Variants in MMRN2 observed in about 807,000 individuals in gnomAD.
MMRN2 encodes multimerin 2.
MMRN2 carries 53 observed loss-of-function variants against 68.8 expected under a neutral mutation model. The observed-to-expected ratio is 0.77, with a 90% CI of 0.62 to 0.97. The LOEUF (loss-of-function observed/expected upper bound fraction) is 0.97, where lower values mean the gene tolerates loss of function less well. MMRN2 is among the 50% of genes least tolerant of loss of function. MMRN2 has a pLI of 0.00. For missense variants in MMRN2, 1,266 were observed against 1,259.5 expected, an observed-to-expected ratio of 1.01 and a Z score of -0.08; for synonymous variants, 564 against 551.6, an observed-to-expected ratio of 1.02 and a Z score of -0.32.
Position 86,945,521 on chromosome 10 carries a change from G to A in MMRN2, c.293+40C>T, listed in dbSNP as rs373851461. 10 of 1,562,404 alleles carry A rather than the reference G, an allele frequency of 6.4e-6. No homozygotes were observed. In the African/African-American group the frequency reaches 8.1e-5, roughly 13 times the overall value. Reference sequence around the variant, plus strand: ...GGCTCAGTGATTCCAGGGAGGGCCCGCTCCAGGCCTGGGCAAATGGCCCAC... The same window carrying A: ...GGCTCAGTGATTCCAGGGAGGGCCCACTCCAGGCCTGGGCAAATGGCCCAC... On this transcript the variant is annotated intron_variant, in intron 2 of 6. Coordinates refer to ENST00000372027, the MANE Select transcript of MMRN2 (RefSeq NM_024756.3).
rs749667808 is a variant in MMRN2, at chr10:86,942,484, C to G, written c.2300G>C (p.Ser767Thr). 1 of 1,614,010 alleles carries G rather than the reference C, an allele frequency of 6.2e-7. No homozygotes were observed. Among genetic ancestry groups the G allele is most frequent in the Non-Finnish European group, 8.5e-7 (1 of 1,180,036 alleles). Residue 767 changes from serine to threonine, a missense_variant, in exon 6 of 7, where the codon AGC (serine) becomes ACC (threonine). Ser to Thr is a moderately conservative substitution (Grantham distance 58, BLOSUM62 1). Transcript: ENST00000372027. ...NFQGLMEANV[S>T]LDLGKLQTML... ...GGTCTGCAGCTTCCCCAGGTCCAGG[C>G]TGACGTTGGCTTCCATGAGCCCTTG...
In MMRN2 at chr10:86,936,876, C is replaced by A. The variant is rs760433536; in HGVS notation, c.2717G>T (p.Ser906Ile). The A allele has an allele frequency of 2.5e-6, 4 of 1,614,222 alleles. No individual in the cohort carries two copies. The highest frequency in any genetic ancestry group is 3.4e-6 in the Non-Finnish European group (4 of 1,180,042). The change falls in exon 7 of 7, where the codon AGC becomes ATC. Residue 906 changes from serine (S) to isoleucine (I), a missense_variant. By Grantham distance (142) the Ser-to-Ile change is moderately radical (BLOSUM62 -2). Transcript: ENST00000372027. Reference sequence around the variant, plus strand: ...AGCCATGGCAAAGACCGTTGCTGTGCTTCCACTCCCCTGCCCAGTGGTACA... The same window carrying A: ...AGCCATGGCAAAGACCGTTGCTGTGATTCCACTCCCCTGCCCAGTGGTACA... ...PVCTTGQGSG[S>I]TATVFAMAEL...
At position 86,944,401 on chromosome 10, in the gene MMRN2, C is replaced by T; in HGVS notation, c.516G>A (p.Val172=). The T allele has an allele frequency of 6.2e-7, 1 of 1,613,886 alleles. No homozygotes were observed. The highest frequency in any genetic ancestry group is 1.3e-5 in the African/African-American group (1 of 75,026). ...GCAGATGTTCCTGCTGTTCCTGTTGCACCTCAACCTCATTGATCACTGCAG... is the reference window on the plus strand; with the variant it reads ...GCAGATGTTCCTGCTGTTCCTGTTGTACCTCAACCTCATTGATCACTGCAG... ...HLAAVINEVE[V]QQEQQEHLLG... The change falls in exon 5 of 7, where the codon GTG becomes GTA. Residue 172 remains valine (V), a synonymous_variant. Transcript: ENST00000372027.
rs774951001 is a variant in MMRN2 at position 86,943,952 on chromosome 10, C to T, written c.832G>A (p.Asp278Asn). ...AAGTCAGCCCTGGCCACGGCACTGT[C>T]CTGGACTCTGGAGATGGCCTGGCGG... Reference protein sequence around the residue: ...ANRQAISRVQDSAVARADFQE... With the variant: ...ANRQAISRVQNSAVARADFQE... Residue 278 changes from aspartate to asparagine, a missense_variant, in exon 6 of 7, where the codon GAC (aspartate) becomes AAC (asparagine). Transcript: ENST00000372027. This position sits in a 1 kb window ranked among gnomAD's most constrained non-coding sequence, Gnocchi z 4.2. 1.2e-6 allele frequency: 2 copies of T among 1,614,178 alleles called. No individual in the cohort carries two copies. Among genetic ancestry groups the T allele is most frequent in the Non-Finnish European group, 1.7e-6 (2 of 1,180,028 alleles).
At chr10:86,951,453 A>T (rs1844142358) in intron 1 of MMRN2, among the ~76,000 whole-genome samples, 1 of 152,218 alleles carries the variant, frequency 6.6e-6, no homozygotes, top group East Asian at 1.9e-4. Context: ...CTTGTGTGTG[A>T]CTGCACAGGT....
Position 86,936,603 on chromosome 10 carries a change from C to G in MMRN2, c.*140G>C. ...GCCCCATGTGGTTACAGGGAAGCCA[C>G]GTACACCACACCATCTTTGCAGAAG... On this transcript the variant is annotated 3_prime_UTR_variant, in exon 7 of 7. Coordinates refer to ENST00000372027, the MANE Select transcript of MMRN2 (RefSeq NM_024756.3). The G allele has an allele frequency of 9.4e-7, 1 of 1,058,822 alleles. No homozygotes were observed. Among genetic ancestry groups the G allele is most frequent in the Non-Finnish European group, 1.4e-6 (1 of 724,060 alleles). 65.6% of individuals were successfully genotyped at this position (1,058,822 alleles called of 1,614,324 possible).
rs1844006558 is a variant in MMRN2 at position 86,943,305 on chromosome 10, A to G, written c.1479T>C (p.Asn493=). Residue 493 remains asparagine (N), a synonymous_variant, in exon 6 of 7, where the codon AAT becomes AAC. Transcript: ENST00000372027. The surrounding 1 kb of genome is among the most constrained non-coding windows in gnomAD (Gnocchi z 4.2). ...CCAGGTCTAAATAGAGCTTCTGGCA[A>G]TTGCAGTCCTTCACGTACTTGATGA... ...ADLIKYVKDC[N]CQKLYLDLDV... The G allele has an allele frequency of 1.2e-6, 2 of 1,613,612 alleles. No individual in the cohort carries two copies. Among genetic ancestry groups the G allele is most frequent in the South Asian group, 1.1e-5 (1 of 91,084 alleles).
intron 2 of MMRN2, 22 bp downstream of exon 2, chr10:86,945,539 T>C (rs1211018358): frequency 1.3e-6 from 2 of 1,573,038 alleles, no homozygotes; most frequent in Admixed American, 1.9e-5. Context: ...CCTGGGCAAA[T>C]GGCCCACCCT....
Position 86,942,762 on chromosome 10 carries a change from C to A in MMRN2, c.2022G>T (p.Pro674=). Residue 674 remains proline (P), a synonymous_variant, in exon 6 of 7, where the codon CCG becomes CCT. Transcript: ENST00000372027. Reference sequence around the variant, plus strand: ...CGTGGCTGGGCTCCAGGTGCTCTGCCGGCCGCGGGGGCTCCGAGGCCTGCT... The same window carrying A: ...CGTGGCTGGGCTCCAGGTGCTCTGCAGGCCGCGGGGGCTCCGAGGCCTGCT... ...ALEQASEPPR[P]AEHLEPSHDA... The A allele has an allele frequency of 7.3e-7, 1 of 1,374,916 alleles. No homozygotes were observed. The highest frequency in any genetic ancestry group is 9.3e-7 in the Non-Finnish European group (1 of 1,070,974). The allele number at this position is 1,374,916 out of a possible 1,614,324, so 85.2% of individuals were successfully genotyped here. A position where few individuals can be genotyped will look rare whatever the true frequency, so the allele number is the denominator to read the frequency against.
Position 86,943,218 on chromosome 10 carries a change from C to T in MMRN2, c.1566G>A (p.Leu522=), listed in dbSNP as rs762868451. ...TRALEETQVS[L]DERRQLDGSS... is the part of the protein sequence containing the mutation. ...AGCCGTCCAGCTGCCGCCGCTCGTC[C>T]AGGCTCACCTGGGTCTCCTCCAGGG... Residue 522 remains leucine (L), a synonymous_variant, in exon 6 of 7, where the codon CTG becomes CTA. Coordinates refer to ENST00000372027, the MANE Select transcript of MMRN2 (RefSeq NM_024756.3). The surrounding 1 kb of genome is among the most constrained non-coding windows in gnomAD (Gnocchi z 4.2). The T allele has an allele frequency of 8.1e-6, 13 of 1,610,172 alleles. No homozygotes were observed. The highest frequency in any genetic ancestry group is 8.0e-5 in the African/African-American group (6 of 74,894).
At chr10:86,953,091 T>C (rs1236927550) in intron 1 of MMRN2, among the ~76,000 whole-genome samples, 2 of 152,196 alleles carry the variant, frequency 1.3e-5, no homozygotes, top group African/African-American at 2.4e-5. Flanking sequence ...GACCTTATGG[T>C]TGTCTTCCCT....
chr10:86,939,831 G>GTGTT (rs1843940460), intron 6 of MMRN2, among the ~76,000 whole-genome samples: 2 of 135,362 alleles, frequency 1.5e-5, no homozygotes, highest in South Asian at 2.5e-4. Flanking sequence ...GTGTGTGTGT[G>GTGTT]TGTGTGTTTG....
At chr10:86,949,108 G>A (rs1490543995) in intron 1 of MMRN2, 1 of 152,194 alleles carries the variant, frequency 6.6e-6, no homozygotes. Context: ...GTTTCTACGT[G>A]CTTCCAGAGA....
At position 86,943,204 on chromosome 10, in the gene MMRN2, T is replaced by G. The variant is rs1245901261; in HGVS notation, c.1580A>C (p.Gln527Pro). 6.2e-7 allele frequency: 1 copy of G among 1,609,550 alleles called. No homozygotes were observed. The highest frequency in any genetic ancestry group is 1.3e-5 in the African/African-American group (1 of 74,864). The stretch of plus-strand genomic sequence containing the variant: ...GGCCTGCAGGGAGGAGCCGTCCAGC[T>G]GCCGCCGCTCGTCCAGGCTCACCTG... ...ETQVSLDERR[Q>P]LDGSSLQALQ... Residue 527 changes from glutamine (Q) to proline (P), a missense_variant, in exon 6 of 7, where the codon CAG (glutamine) becomes CCG (proline). Transcript: ENST00000372027. This position sits in a 1 kb window ranked among gnomAD's most constrained non-coding sequence, Gnocchi z 4.2.
chr10:86,938,786 T>TA (rs1843914693), intron 6 of MMRN2, among the ~76,000 whole-genome samples: 1 of 152,168 alleles, frequency 6.6e-6, no homozygotes, highest in Admixed American at 6.5e-5. Flanking sequence ...CCTTTGTGAA[T>TA]AAAAAAATGT....
chr10:86,956,718 G>C (rs527398546), intron 1 of MMRN2, among the ~76,000 whole-genome samples: 52 of 152,328 alleles, frequency 3.4e-4, no homozygotes, highest in Admixed American at 2.6e-4. Flanking sequence ...CCTGAGACTG[G>C]GGGCCCCGTA....
In MMRN2 at chr10:86,945,202, A is replaced by C. The variant is rs1844047720; in HGVS notation, c.467T>G (p.Val156Gly). ...AAGCAACACACCAGGTTTGAAGCTG[A>C]CTGGTCCATCCTGAGGTTCCTGGTG... ...DSHQEPQDGP[V>G]SFKPGHLAAV... The change falls in exon 4 of 7, where the codon GTC becomes GGC. Residue 156 changes from valine to glycine, a missense_variant. Val to Gly is a moderately radical substitution (Grantham distance 109). Coordinates refer to ENST00000372027, the MANE Select transcript of MMRN2 (RefSeq NM_024756.3). 6.2e-7 allele frequency: 1 copy of C among 1,613,858 alleles called. No individual in the cohort carries two copies. The highest frequency in any genetic ancestry group is 1.3e-5 in the African/African-American group (1 of 75,062).
intron 1 of MMRN2, among the ~76,000 whole-genome samples, chr10:86,952,237 C>T (rs960045707): frequency 6.6e-6 from 1 of 152,018 alleles, no homozygotes; most frequent in African/African-American, 2.4e-5. Context: ...AAAGGGGACA[C>T]CTCACGATAA....
chr10:86,942,043 G>A (rs577723127), intron 6 of MMRN2, among the ~76,000 whole-genome samples: 2 of 152,236 alleles, frequency 1.3e-5, no homozygotes, highest in South Asian at 4.2e-4. Flanking sequence ...GGAGCAGTAG[G>A]CGGCACTATT....
Sources: gnomAD v4.1 joint callset for allele counts (sites outside exome capture counted in the v4.1 genomes callset) on GRCh38, gnomAD v4.1.1 for gene constraint, Gnocchi (gnomAD v3.1) non-coding constraint, MANE v1.5 for transcripts, NCBI Gene and HGNC (gene_info 2026-07-23, HGNC 2026-07-21) for gene names.